SGSM3: variants seen among roughly 807,000 people sequenced by gnomAD.
SGSM3 encodes the protein RUN and SH3 containing 3.
Under a neutral mutation model 100.5 loss-of-function variants are expected in SGSM3, and 96 were observed. The ratio of observed to expected loss-of-function variants is 0.96; its 90% CI spans 0.81 to 1.13. The LOEUF is 1.13. Among genes scored for constraint, SGSM3 ranks in the 50% most tolerant of loss-of-function variants. The pLI is 0.00. For missense variants in SGSM3, 1,001 were observed against 1,015.8 expected, an observed-to-expected ratio of 0.99 and a Z score of 0.20; for synonymous variants, 483 against 422.8, an observed-to-expected ratio of 1.14 and a Z score of -1.75.
chr22:40,407,878 G>A lies in SGSM3; in HGVS notation c.1579+35G>A. The stretch of plus-strand genomic sequence containing the variant: ...TTGGTCTGCTCTTGAGCTGGGAGAG[G>A]GAGGAGGGGGTGGGCACAGAAGACT... On this transcript the variant is annotated intron_variant, in intron 14 of 21. Transcript: ENST00000248929. This position sits in a 1 kb window ranked among gnomAD's most constrained non-coding sequence, Gnocchi z 4.7. The A allele has an allele frequency of 6.3e-7, 1 of 1,585,438 alleles. No homozygotes were observed. Among genetic ancestry groups the A allele is most frequent in the Non-Finnish European group, 8.6e-7 (1 of 1,162,348 alleles).
rs552621638 is a variant in SGSM3, at chr22:40,408,539, A to G, written c.1783-88A>G. ...CACAGAGAGGATGGGAAGAGCTGGC[A>G]GCGTGGTGACAGGTGCCCAGTCGGC... On this transcript the variant is annotated intron_variant, in intron 16 of 21. Transcript: ENST00000248929. 5.2e-5 allele frequency: 82 copies of G among 1,590,294 alleles called. No individual in the cohort carries two copies. The African/African-American group carries it at 1.0e-3, about 20-fold the overall frequency.
chr22:40,405,423 G>A (rs758219224), intron 7 of SGSM3, 139 bp downstream of exon 7: 242 of 949,374 alleles, frequency 2.5e-4, no homozygotes, highest in Non-Finnish European at 3.3e-4. Context: ...CCCACTCCGG[G>A]GCGTCCCCAA....
At chr22:40,406,685 A>G (rs775713577) in intron 10 of SGSM3, 23 bp downstream of exon 10, 13 of 1,575,892 alleles carry the variant, frequency 8.2e-6, no homozygotes, top group Middle Eastern at 1.7e-4. Context: ...GGGGGGCCGC[A>G]CCTTGACCCA....
At chr22:40,405,945 T>G in intron 8 of SGSM3, 101 bp downstream of exon 8, 1 of 1,483,006 alleles carries the variant, frequency 6.7e-7, no homozygotes. Flanking sequence ...ATGGTCTTTG[T>G]CGCTCTTTTG....
chr22:40,408,940 A>G lies in SGSM3; in HGVS notation c.1910A>G (p.Gln637Arg). Reference sequence around the variant, plus strand: ...TGACGGTGCCGTTCCCAGGCTGTGCAGTCTGTGAACGTGACCCACGATGCA... The same window carrying G: ...TGACGGTGCCGTTCCCAGGCTGTGCGGTCTGTGAACGTGACCCACGATGCA... The part of the protein sequence containing the change: ...TPEELLYRAV[Q>R]SVNVTHDAVH... Residue 637 changes from glutamine (Q) to arginine (R), a missense_variant, in exon 19 of 22, where the codon CAG (glutamine) becomes CGG (arginine). Gln to Arg is a conservative substitution (Grantham distance 43). Transcript: ENST00000248929. 1 of 1,612,278 alleles carries G rather than the reference A, an allele frequency of 6.2e-7. No individual in the cohort carries two copies. Among genetic ancestry groups the G allele is most frequent in the Non-Finnish European group, 8.5e-7 (1 of 1,179,266 alleles).
chr22:40,408,563 G>GC (rs2052019108), intron 16 of SGSM3, 64 bp from the exon 17 acceptor site: 4 of 1,600,668 alleles, frequency 2.5e-6, no homozygotes, highest in Non-Finnish European at 3.4e-6. Flanking sequence ...TGCCCAGTCG[G>GC]CCCCAAGGGC....
chr22:40,383,389 CCTGGG>C (rs1360166574), intron 1 of SGSM3, among the ~76,000 whole-genome samples: 5 of 151,390 alleles, frequency 3.3e-5, no homozygotes, highest in Non-Finnish European at 1.5e-5. Flanking sequence ...ATGGCGTGAA[CCTGGG>C]AGGTGGAGCT....
At position 40,407,748 on chromosome 22, in the gene SGSM3, G is replaced by A; in HGVS notation, c.1525-41G>A. On this transcript the variant is annotated intron_variant, in intron 13 of 21. Transcript: ENST00000248929. The surrounding 1 kb of genome is among the most constrained non-coding windows in gnomAD (Gnocchi z 4.7). Reference sequence around the variant, plus strand: ...GGGGGTGCAGGAGGCGCTGGCCCAGGGCACCCAGCTTTGGTTCCTGCTGTT... The same window carrying A: ...GGGGGTGCAGGAGGCGCTGGCCCAGAGCACCCAGCTTTGGTTCCTGCTGTT... The A allele has an allele frequency of 1.9e-6, 3 of 1,610,634 alleles. No individual in the cohort carries two copies. The highest frequency in any genetic ancestry group is 2.5e-6 in the Non-Finnish European group (3 of 1,176,894).
chr22:40,400,259 T>C (rs183182562), intron 1 of SGSM3, among the ~76,000 whole-genome samples: 4 of 152,332 alleles, frequency 2.6e-5, no homozygotes, highest in Admixed American at 1.3e-4. Flanking sequence ...GAATGTAACT[T>C]GTCTTGAAAT....
chr22:40,374,945 A>G (rs148358141), intron 1 of SGSM3, among the ~76,000 whole-genome samples: 4 of 152,252 alleles, frequency 2.6e-5, no homozygotes, highest in Non-Finnish European at 5.9e-5. Context: ...ACAAGGCTAG[A>G]TTTTCAGTGT....
intron 1 of SGSM3, among the ~76,000 whole-genome samples, chr22:40,378,800 A>G (rs1345935385): frequency 2.0e-5 from 3 of 152,044 alleles, no homozygotes; most frequent in African/African-American, 4.8e-5. Context: ...GTTCTCTCCA[A>G]TTCTGAGATC....
rs572888135 is a variant in SGSM3, at chr22:40,406,978, C to A, written c.1186-39C>A. 7 of 1,550,366 alleles carry A rather than the reference C, an allele frequency of 4.5e-6. No individual in the cohort carries two copies. The Admixed American group carries it at 5.9e-5, about 13-fold the overall frequency. On this transcript the variant is annotated intron_variant, in intron 10 of 21. Transcript: ENST00000248929. ...AAGGGCTGGTGGGTTCTCTTCCTCC[C>A]GGGGCCAGGACCACCCTGACCCACT...
chr22:40,409,084 G>A lies in SGSM3; in HGVS notation c.1988+66G>A. 1.9e-6 allele frequency: 3 copies of A among 1,550,888 alleles called. No homozygotes were observed. Among genetic ancestry groups the A allele is most frequent in the Non-Finnish European group, 1.7e-6 (2 of 1,148,178 alleles). ...GGGGACCCAGCCCAGCATCAGGGGG[G>A]GTCCTTACAGGGAACCCTAAAGGAC... On this transcript the variant is annotated intron_variant, in intron 19 of 21. Coordinates refer to ENST00000248929, the MANE Select transcript of SGSM3 (RefSeq NM_015705.6).
Position 40,406,464 on chromosome 22 carries a change from CT to C in SGSM3, c.988del (p.Ser330ArgfsTer129). On this transcript the variant is annotated frameshift_variant, in exon 10 of 22. Transcript: ENST00000248929. LOFTEE classifies it high-confidence loss of function. ...KEEELIQSEN[S>X]ASIFNTLSDI... ...AGGAAGAGCTGATCCAGTCAGAGAA[CT>C]CGGCCTCCATCTTCAACACGCTATC... 6.3e-7 allele frequency: 1 copy of C among 1,594,866 alleles called. No individual in the cohort carries two copies. Among genetic ancestry groups the C allele is most frequent in the Non-Finnish European group, 8.6e-7 (1 of 1,168,300 alleles).
intron 2 of SGSM3, among the ~76,000 whole-genome samples, chr22:40,401,056 G>A (rs1441328482): frequency 6.6e-6 from 1 of 152,182 alleles, no homozygotes; most frequent in African/African-American, 2.4e-5. Flanking sequence ...GAGGCCGGAA[G>A]ATGAAGTTTG....
chr22:40,409,886 C>T lies in SGSM3; in HGVS notation c.*127C>T. On this transcript the variant is annotated 3_prime_UTR_variant, in exon 22 of 22. Transcript: ENST00000248929. ...CGCGGGATATCAATATCAGGCTGCCCCACTCCACGTTCCCCAGCACATCCC... is the reference window on the plus strand; with the variant it reads ...CGCGGGATATCAATATCAGGCTGCCTCACTCCACGTTCCCCAGCACATCCC... 2 of 1,435,374 alleles carry T rather than the reference C, an allele frequency of 1.4e-6. No homozygotes were observed. The highest frequency in any genetic ancestry group is 1.8e-6 in the Non-Finnish European group (2 of 1,101,046). The allele number at this position is 1,435,374 out of a possible 1,614,324, so 88.9% of individuals were successfully genotyped here.
intron 17 of SGSM3, 45 bp from the exon 18 acceptor site, chr22:40,408,749 G>T (rs199901989): frequency 1.9e-6 from 3 of 1,613,772 alleles, no homozygotes; most frequent in Non-Finnish European, 2.5e-6. Flanking sequence ...GGAGGGCGGG[G>T]CCTGACCCAG....
In SGSM3 at chr22:40,409,878, A is replaced by G; in HGVS notation, c.*119A>G. On this transcript the variant is annotated 3_prime_UTR_variant, in exon 22 of 22. Coordinates refer to ENST00000248929, the MANE Select transcript of SGSM3 (RefSeq NM_015705.6). ...GCCGGGGCCGCGGGATATCAATATC[A>G]GGCTGCCCCACTCCACGTTCCCCAG... 2 of 1,447,180 alleles carry G rather than the reference A, an allele frequency of 1.4e-6. No homozygotes were observed. Among genetic ancestry groups the G allele is most frequent in the Non-Finnish European group, 1.8e-6 (2 of 1,105,626 alleles). 89.6% of individuals were successfully genotyped at this position (1,447,180 alleles called of 1,614,324 possible).
At chr22:40,406,278 G>A in intron 9 of SGSM3, 55 bp downstream of exon 9, 1 of 1,603,762 alleles carries the variant, frequency 6.2e-7, no homozygotes, top group Non-Finnish European at 8.5e-7. Flanking sequence ...TGGGGGGCAG[G>A]GGAGCAAGAG....
Sources: allele counts gnomAD v4.1 joint callset (sites outside exome capture counted in the v4.1 genomes callset), GRCh38; gene constraint gnomAD v4.1.1; non-coding constraint Gnocchi (gnomAD v3.1); transcripts MANE v1.5; gene names NCBI Gene and HGNC (gene_info 2026-07-23, HGNC 2026-07-21).